CDH22: variants seen among roughly 807,000 people sequenced by gnomAD.
CDH22 encodes the protein cadherin 22.
CDH22 carries 30 observed loss-of-function variants against 58.4 expected under a neutral mutation model. The ratio of observed to expected loss-of-function variants is 0.51; its 90% confidence interval spans 0.38 to 0.70. The LOEUF is 0.70. CDH22 is among the 30% of genes least tolerant of loss of function. The pLI is 0.00. For synonymous variants in CDH22, 513 were observed against 558.2 expected, an observed-to-expected ratio of 0.92 and a Z score of 1.14; for missense variants, 1,014 against 1,233.9, an observed-to-expected ratio of 0.82 and a Z score of 2.67.
intron 3 of CDH22, among the ~76,000 whole-genome samples, chr20:46,236,370 G>C (rs1002715396): frequency 4.6e-5 from 7 of 151,086 alleles, no homozygotes; most frequent in African/African-American, 1.7e-4. Flanking sequence ...CCTCCAGAAA[G>C]ACAGGACTTC....
intron 3 of CDH22, among the ~76,000 whole-genome samples, chr20:46,240,275 G>A (rs183178672): frequency 4.5e-4 from 69 of 152,178 alleles, no homozygotes; most frequent in Non-Finnish European, 1.5e-5. Flanking sequence ...ACATGGCTGA[G>A]TCTGTGCAGA....
chr20:46,191,862 C>G (rs2085863757), intron 8 of CDH22, among the ~76,000 whole-genome samples: 1 of 152,080 alleles, frequency 6.6e-6, no homozygotes, highest in Admixed American at 6.5e-5. Flanking sequence ...AAGGATAAGC[C>G]CAAGTCCCCC....
chr20:46,280,736 T>A (rs758948854), intron 1 of CDH22, among the ~76,000 whole-genome samples: 8 of 152,226 alleles, frequency 5.3e-5, no homozygotes, highest in Non-Finnish European at 8.8e-5. Context: ...AGCAATCCAC[T>A]TCCTCACTCT....
intron 8 of CDH22, among the ~76,000 whole-genome samples, chr20:46,192,207 A>G (rs572223579): frequency 1.3e-5 from 2 of 152,286 alleles, no homozygotes; most frequent in Admixed American, 1.3e-4. Context: ...AACTGTGTGC[A>G]CACTACATAG....
intron 6 of CDH22, among the ~76,000 whole-genome samples, chr20:46,212,726 CAG>C (rs2086052246): frequency 6.6e-6 from 1 of 152,196 alleles, no homozygotes; most frequent in South Asian, 2.1e-4. Context: ...AAGCACACGT[CAG>C]AGTGTTTGAG....
At position 46,199,429 on chromosome 20, in the gene CDH22, C is replaced by T. The variant is rs1444758369; in HGVS notation, c.1417G>A (p.Glu473Lys). 7.5e-6 allele frequency: 12 copies of T among 1,610,596 alleles called. No homozygotes were observed. The highest frequency in any genetic ancestry group is 1.0e-5 in the Non-Finnish European group (12 of 1,179,592). ...GGCGTGGCGCCCAGCTCACCCGCCT[C>T]CATGGCCAGCACTGTGATGTTGTGC... ...GWHNITVLAM[E>K]ADNHAQLSRA... Residue 473 changes from glutamate (E) to lysine (K), a missense_variant, in exon 8 of 12, where the codon GAG becomes AAG. Physicochemically the swap from Glu to Lys is moderately conservative, Grantham distance 56. Transcript: ENST00000537909.
At chr20:46,195,624 C>A (rs560622270) in intron 8 of CDH22, among the ~76,000 whole-genome samples, 51 of 150,088 alleles carry the variant, frequency 3.4e-4, no homozygotes, top group African/African-American at 2.5e-4. Flanking sequence ...ACCCCCCCCC[C>A]ACCCAGTCTC....
At chr20:46,240,840 C>T (rs2086284146) in intron 3 of CDH22, 123 bp downstream of exon 3, 2 of 892,988 alleles carry the variant, frequency 2.2e-6, no homozygotes, top group East Asian at 2.6e-5. Flanking sequence ...GTACCCTGTA[C>T]CCTAGGTCAG....
intron 4 of CDH22, chr20:46,220,750 A>C (rs1417328216): frequency 2.0e-5 from 3 of 151,586 alleles, no homozygotes; most frequent in African/African-American, 7.3e-5. Context: ...GGGACACGAC[A>C]CTCTTCTCAC....
chr20:46,282,602 A>C lies in CDH22; in HGVS notation c.-400+25653T>G, dbSNP rs79905834. 6.1e-3 allele frequency among the ~76,000 whole-genome samples: 928 copies of C among 152,364 alleles called. 8 individuals carry two copies. Among genetic ancestry groups the C allele is most frequent in the African/African-American group, 0.021 (891 of 41,578 alleles). On this transcript the variant is annotated intron_variant, in intron 1 of 11. Transcript: ENST00000537909. ...CCAAATGCAATTCTTACCCCTTGAC[A>C]AATGCAGTGCGAATTGGGTTCTTTT... is the stretch of plus-strand genomic sequence containing the variant.
At chr20:46,186,481 A>C in intron 10 of CDH22, 107 bp downstream of exon 10, 1 of 789,282 alleles carries the variant, frequency 1.3e-6, no homozygotes, top group Non-Finnish European at 2.1e-6. Context: ...GTGATCTTAG[A>C]TCCAACATAG....
At chr20:46,196,992 G>A (rs917570842) in intron 8 of CDH22, among the ~76,000 whole-genome samples, 4 of 152,078 alleles carry the variant, frequency 2.6e-5, no homozygotes, top group Non-Finnish European at 5.9e-5. Context: ...GGGGGGTCTC[G>A]AGCCCAGTGG....
intron 1 of CDH22, among the ~76,000 whole-genome samples, chr20:46,290,851 T>G (rs1295006834): frequency 2.7e-5 from 4 of 150,362 alleles, no homozygotes; most frequent in African/African-American, 9.8e-5. Context: ...CTATGGGGGG[T>G]GTGTTTGGAA....
At chr20:46,206,759 G>A (rs1432269598) in intron 7 of CDH22, among the ~76,000 whole-genome samples, 1 of 152,156 alleles carries the variant, frequency 6.6e-6, no homozygotes, top group Non-Finnish European at 1.5e-5. Flanking sequence ...ACCATTTGCT[G>A]TCTGTCTCTC....
At chr20:46,268,064 A>G (rs1363330027) in intron 1 of CDH22, among the ~76,000 whole-genome samples, 1 of 152,272 alleles carries the variant, frequency 6.6e-6, no homozygotes, top group Non-Finnish European at 1.5e-5. Context: ...GATATTGGAC[A>G]TGGGTTTCTG....
chr20:46,307,302 A>T (rs2059028399), intron 1 of CDH22, among the ~76,000 whole-genome samples: 1 of 152,210 alleles, frequency 6.6e-6, no homozygotes, highest in African/African-American at 2.4e-5. Context: ...CCCGCCTGGG[A>T]CAGGGCCCGA....
At chr20:46,197,127 C>T (rs1052383059) in intron 8 of CDH22, among the ~76,000 whole-genome samples, 5 of 152,016 alleles carry the variant, frequency 3.3e-5, no homozygotes, top group Non-Finnish European at 7.4e-5. Context: ...GCAGCAATGC[C>T]GTGGGGACCA....
intron 1 of CDH22, among the ~76,000 whole-genome samples, chr20:46,304,497 A>G (rs2086665884): frequency 6.6e-6 from 1 of 152,228 alleles, no homozygotes; most frequent in Non-Finnish European, 1.5e-5. Flanking sequence ...GTTGGACTCC[A>G]ATGCCTACGC....
At position 46,228,338 on chromosome 20, in the gene CDH22, C is replaced by T. The variant is rs142874531; in HGVS notation, c.551-711G>A. 1.8e-3 allele frequency among the ~76,000 whole-genome samples: 276 copies of T among 152,314 alleles called. 1 individual carries two copies. The Middle Eastern group carries it at 0.02, about 11-fold the overall frequency. The stretch of plus-strand genomic sequence containing the variant: ...CCCCTGGGTGCCCAGACAGCCCACC[C>T]CCAGACACACACACTTCTCATGCTC... On this transcript the variant is annotated intron_variant, in intron 3 of 11. Transcript: ENST00000537909.
Sources: gnomAD v4.1 joint callset for allele counts (sites outside exome capture counted in the v4.1 genomes callset) on GRCh38, gnomAD v4.1.1 for gene constraint, MANE v1.5 for transcripts, NCBI Gene and HGNC (gene_info 2026-07-23, HGNC 2026-07-21) for gene names.